The following CHSY1 variants were observed in gnomAD, a reference collection of about 807,000 sequenced individuals.
CHSY1 encodes N-acetylgalactosaminyl-proteoglycan 3-beta-glucuronosyltransferase 1.
A neutral mutation model predicts 59.8 loss-of-function variants in CHSY1; 13 were observed. The observed-to-expected ratio is 0.22, with a 90% CI of 0.14 to 0.35. The LOEUF (loss-of-function observed/expected upper bound fraction) is 0.35. CHSY1 is among the 10% of genes least tolerant of loss of function. The pLI is 1.00. For missense variants in CHSY1, 947 were observed against 1,030.6 expected (o/e 0.92, Z 1.11); for synonymous variants, 459 against 401.2 (o/e 1.14, Z -1.72).
chr15:101,249,634 C>T (rs1478217556), intron 1 of CHSY1, among the ~76,000 whole-genome samples: 2 of 151,340 alleles, frequency 1.3e-5, no homozygotes, highest in Admixed American at 6.6e-5. Context: ...CTGCCTCAGC[C>T]TCCTGAGTGG....
rs75599666 is a variant in CHSY1 at position 101,240,507 on chromosome 15, G to C, written c.321-4930C>G. Among the ~76,000 whole-genome samples the C allele has an allele frequency of 9.4e-3, 1,432 of 152,342 alleles. 23 individuals are homozygous for C. The highest frequency in any genetic ancestry group is 0.033 in the African/African-American group (1,368 of 41,568). On this transcript the variant is annotated intron_variant, in intron 1 of 2. Transcript: ENST00000254190. ...TTGCCAGAAAAAGCTCATTTTCAAT[G>C]AACTGATGTCCAACCCTTGCTCAAG...
intron 2 of CHSY1, among the ~76,000 whole-genome samples, chr15:101,221,816 T>G (rs1319528433): frequency 6.6e-6 from 1 of 151,804 alleles, no homozygotes; most frequent in African/African-American, 2.4e-5. Flanking sequence ...CAGGGAGTTT[T>G]TTTGTTTGTT....
chr15:101,208,130 C>A (rs976825783), intron 2 of CHSY1, among the ~76,000 whole-genome samples: 1 of 152,110 alleles, frequency 6.6e-6, no homozygotes, highest in Admixed American at 6.5e-5. Flanking sequence ...GAGGAAGAAC[C>A]CTTTGGGGTT....
chr15:101,250,697 T>C (rs1164842574), intron 1 of CHSY1, among the ~76,000 whole-genome samples: 1 of 152,222 alleles, frequency 6.6e-6, no homozygotes, highest in African/African-American at 2.4e-5. Context: ...TAGAACTAGA[T>C]TAACGTACAC....
chr15:101,232,970 G>A (rs1448840867), intron 2 of CHSY1, among the ~76,000 whole-genome samples: 2 of 152,154 alleles, frequency 1.3e-5, no homozygotes, highest in Non-Finnish European at 2.9e-5. Flanking sequence ...GAGCCTTGCT[G>A]CTGCTGTCCC....
chr15:101,241,883 C>T (rs368901233), intron 1 of CHSY1, among the ~76,000 whole-genome samples: 2 of 152,186 alleles, frequency 1.3e-5, no homozygotes, highest in East Asian at 3.8e-4. Context: ...AATCCACAGA[C>T]GCTTTAGTCC....
At chr15:101,184,184 G>A (rs79271117) in intron 2 of CHSY1, among the ~76,000 whole-genome samples, 2,715 of 152,282 alleles carry the variant, frequency 0.018, 40 homozygotes, top group East Asian at 0.1. Context: ...ATTTCACAAA[G>A]TGTTTTAGAA....
intron 1 of CHSY1, among the ~76,000 whole-genome samples, chr15:101,238,353 G>C (rs756540315): frequency 3.9e-5 from 6 of 152,066 alleles, no homozygotes; most frequent in Non-Finnish European, 7.4e-5. Flanking sequence ...CAAATGACTG[G>C]CTTTTATTTC....
At chr15:101,227,803 C>T (rs1251162553) in intron 2 of CHSY1, among the ~76,000 whole-genome samples, 1 of 152,164 alleles carries the variant, frequency 6.6e-6, no homozygotes, top group African/African-American at 2.4e-5. Flanking sequence ...AATCTCTGTC[C>T]AGTCATTAGC....
At chr15:101,192,779 GTAA>G (rs2038461040) in intron 2 of CHSY1, among the ~76,000 whole-genome samples, 1 of 152,116 alleles carries the variant, frequency 6.6e-6, no homozygotes, top group African/African-American at 2.4e-5. Flanking sequence ...ATAGCTGAAA[GTAA>G]TCATCCTACA....
chr15:101,186,606 TGAGC>T, intron 2 of CHSY1: 2 of 151,722 alleles, frequency 1.3e-5, no homozygotes, highest in African/African-American at 4.8e-5. Context: ...GGATTCAAGA[TGAGC>T]TTGGGCAACA....
chr15:101,199,864 G>A (rs2038553136), intron 2 of CHSY1, among the ~76,000 whole-genome samples: 2 of 152,106 alleles, frequency 1.3e-5, no homozygotes, highest in Admixed American at 1.3e-4. Context: ...CCCCAAAATA[G>A]AACCCCCAAA....
At chr15:101,230,102 C>T (rs541929644) in intron 2 of CHSY1, among the ~76,000 whole-genome samples, 47 of 151,858 alleles carry the variant, frequency 3.1e-4, no homozygotes, top group African/African-American at 1.0e-3. Flanking sequence ...CCACCATGCC[C>T]GGCTAATTTT....
intron 2 of CHSY1, among the ~76,000 whole-genome samples, chr15:101,218,659 A>G (rs914077176): frequency 2.0e-5 from 3 of 152,226 alleles, no homozygotes; most frequent in Non-Finnish European, 4.4e-5. Context: ...TCATGCCAAC[A>G]GAAGGCTGAG....
At chr15:101,199,465 T>C (rs192307345) in intron 2 of CHSY1, among the ~76,000 whole-genome samples, 52 of 152,340 alleles carry the variant, frequency 3.4e-4, no homozygotes, top group African/African-American at 1.0e-3. Context: ...ATTGTGCTAC[T>C]GCACTCCAGC....
chr15:101,245,197 T>C (rs563967622), intron 1 of CHSY1, among the ~76,000 whole-genome samples: 1 of 152,192 alleles, frequency 6.6e-6, no homozygotes, highest in East Asian at 1.9e-4. Flanking sequence ...ACGCAGACCT[T>C]CCCTCCATGT....
At chr15:101,197,933 C>T (rs2038525678) in intron 2 of CHSY1, among the ~76,000 whole-genome samples, 1 of 152,104 alleles carries the variant, frequency 6.6e-6, no homozygotes, top group East Asian at 1.9e-4. Flanking sequence ...AAACCCAGTC[C>T]ACCAAAGAGA....
At chr15:101,188,239 A>C (rs1010308820) in intron 2 of CHSY1, 2 of 968,298 alleles carry the variant, frequency 2.1e-6, no homozygotes, top group African/African-American at 1.8e-5. Flanking sequence ...GGTTCAAAGA[A>C]AGTAAGCGTT....
chr15:101,201,408 C>A (rs139900543), intron 2 of CHSY1, among the ~76,000 whole-genome samples: 1 of 152,130 alleles, frequency 6.6e-6, no homozygotes. Flanking sequence ...AAGGTGGGGA[C>A]GAGTGAGCAG....
Sources: gnomAD v4.1 joint callset for allele counts (sites outside exome capture counted in the v4.1 genomes callset) on GRCh38, gnomAD v4.1.1 for gene constraint, MANE v1.5 for transcripts, NCBI Gene and HGNC (gene_info 2026-07-23, HGNC 2026-07-21) for gene names.